NSD2: variants seen among roughly 807,000 people sequenced by gnomAD.
NSD2 encodes histone-lysine N-methyltransferase NSD2.
NSD2 carries 12 observed loss-of-function variants against 139.0 expected under a neutral mutation model. The observed-to-expected ratio is 0.09, with a 90% confidence interval of 0.06 to 0.14. The LOEUF (loss-of-function observed/expected upper bound fraction) is 0.14. Among genes scored for constraint, NSD2 ranks in the 10% least tolerant of loss-of-function variants. The pLI is 1.00. For synonymous variants in NSD2, 669 were observed against 648.7 expected (o/e 1.03, Z -0.48); for missense variants, 1,155 against 1,745.0 (o/e 0.66, Z 6.02).
At position 1,948,446 on chromosome 4, in the gene NSD2, C is replaced by T; in HGVS notation, c.1882-2626C>T. On this transcript the variant is annotated intron_variant, in intron 9 of 21. Transcript: ENST00000508803. The surrounding 1 kb of genome is among the most constrained non-coding windows in gnomAD (Gnocchi z 4.5). ...GGTGGAGCCTGCGGCTGGAGTAAGG[C>T]TTGCTGTGGGACGCCCTCGTACTTT... The T allele has an allele frequency of 9.4e-7, 1 of 1,066,148 alleles. No individual in the cohort carries two copies. The highest frequency in any genetic ancestry group is 1.6e-5 in the African/African-American group (1 of 61,124). 66.0% of individuals were successfully genotyped at this position (1,066,148 alleles called of 1,614,324 possible). A position where few individuals can be genotyped will look rare whatever the true frequency, so the allele number is the denominator to read the frequency against.
chr4:1,966,028 C>G (rs1331002269), intron 18 of NSD2, among the ~76,000 whole-genome samples: 2 of 151,076 alleles, frequency 1.3e-5, no homozygotes, highest in African/African-American at 4.9e-5. Flanking sequence ...ATTTTGAAGG[C>G]CTACAGGCAG....
chr4:1,922,210 T>C (rs1352998663), intron 5 of NSD2, among the ~76,000 whole-genome samples: 1 of 152,176 alleles, frequency 6.6e-6, no homozygotes, highest in Admixed American at 6.5e-5. Flanking sequence ...CAGAAGTCTA[T>C]GTAGAAAACT....
intron 17 of NSD2, 116 bp from the exon 18 acceptor site, chr4:1,960,919 G>A: frequency 1.4e-6 from 1 of 690,262 alleles, no homozygotes; most frequent in South Asian, 2.0e-5. Flanking sequence ...CCTCCACGGA[G>A]GTATGCTGAT....
At chr4:1,947,868 G>A in intron 9 of NSD2, 1 of 1,053,792 alleles carries the variant, frequency 9.5e-7, no homozygotes, top group Non-Finnish European at 1.1e-6. Flanking sequence ...AAAACTCAAT[G>A]TGTATGACGC....
rs568326800 is a variant in NSD2 at position 1,907,875 on chromosome 4, G to A, written c.760+3497G>A. Among the ~76,000 whole-genome samples the A allele has an allele frequency of 8.5e-5, 13 of 152,132 alleles. No individual in the cohort carries two copies. In the South Asian group the frequency reaches 2.7e-3, roughly 32 times the overall value. On this transcript the variant is annotated intron_variant, in intron 3 of 21. Transcript: ENST00000508803. ...ATCCACCCACCTTGGCCTCCCAATG[G>A]GATTACAGGCATGAGTCACTGTGCC...
chr4:1,958,516 G>A lies in NSD2; in HGVS notation c.2985+480G>A, dbSNP rs2108967800. Among the ~76,000 whole-genome samples the A allele has an allele frequency of 6.6e-6, 1 of 152,384 alleles. No homozygotes were observed. Among genetic ancestry groups the A allele is most frequent in the South Asian group, 2.1e-4 (1 of 4,834 alleles). The stretch of plus-strand genomic sequence containing the variant: ...CCCCAGCAGGAGGAAGTGCAGCCAG[G>A]GCAGGGCTCTGTGAGAGCTCCAGGC... On this transcript the variant is annotated intron_variant, in intron 16 of 21. Transcript: ENST00000508803. The surrounding 1 kb of genome is among the most constrained non-coding windows in gnomAD (Gnocchi z 4.6).
chr4:1,901,294 A>G (rs769998259), intron 2 of NSD2, 43 bp downstream of exon 2: 1 of 1,509,796 alleles, frequency 6.6e-7, no homozygotes, highest in Non-Finnish European at 8.8e-7. Context: ...GACCTTGAGC[A>G]GTGAGCATGG....
rs146252630 is a variant in NSD2 at position 1,883,191 on chromosome 4, T to C, written c.-30+11649T>C. On this transcript the variant is annotated intron_variant, in intron 1 of 21. Transcript: ENST00000508803. ...CATTTACTGTCCAGATAGCATTCTT[T>C]CTGTGTGCATTTACATTACCTTCCA... Among the ~76,000 whole-genome samples the C allele has an allele frequency of 6.6e-4, 101 of 152,316 alleles. No homozygotes were observed. The Middle Eastern group carries it at 0.01, about 15-fold the overall frequency.
chr4:1,889,970 T>C (rs1001658659), intron 1 of NSD2, among the ~76,000 whole-genome samples: 1 of 152,224 alleles, frequency 6.6e-6, no homozygotes, highest in African/African-American at 2.4e-5. Flanking sequence ...AACTCTGCAC[T>C]GTTAAGCAGT....
At chr4:1,922,878 A>T (rs926215070) in intron 5 of NSD2, among the ~76,000 whole-genome samples, 1 of 152,176 alleles carries the variant, frequency 6.6e-6, no homozygotes, top group African/African-American at 2.4e-5. Context: ...GTGAGCTGGG[A>T]TTGTGCCATT....
At chr4:1,961,914 C>T (rs1203031965) in intron 18 of NSD2, among the ~76,000 whole-genome samples, 1 of 152,238 alleles carries the variant, frequency 6.6e-6, no homozygotes, top group East Asian at 1.9e-4. Flanking sequence ...ATACATGTTT[C>T]TGCCTTTTGT....
At chr4:1,960,800 T>C (rs186425934) in intron 17 of NSD2, among the ~76,000 whole-genome samples, 1 of 152,326 alleles carries the variant, frequency 6.6e-6, no homozygotes, top group Non-Finnish European at 1.5e-5. Context: ...GAAGCAAGGG[T>C]TGGCATATTG....
intron 1 of NSD2, among the ~76,000 whole-genome samples, chr4:1,876,032 G>C (rs1314520884): frequency 6.6e-6 from 1 of 151,388 alleles, no homozygotes; most frequent in African/African-American, 2.4e-5. Flanking sequence ...TGGCTAACAT[G>C]GTGAAACCCT....
In NSD2 at chr4:1,946,847, T is replaced by A; in HGVS notation, c.1882-4225T>A. 3.8e-6 allele frequency: 4 copies of A among 1,057,924 alleles called. No homozygotes were observed. In the South Asian group the frequency reaches 1.8e-4, roughly 48 times the overall value. 65.5% of individuals were successfully genotyped at this position (1,057,924 alleles called of 1,614,324 possible). A position where few individuals can be genotyped will look rare whatever the true frequency, so the allele number is the denominator to read the frequency against. On this transcript the variant is annotated intron_variant, in intron 9 of 21. Coordinates refer to ENST00000508803, the MANE Select transcript of NSD2 (RefSeq NM_001042424.3). ...TGTCTCTCCAACAGCCCGACAGGCC[T>A]CATCTTTTTGGTTGGATACCTTTGA...
In NSD2 at chr4:1,900,653, G is replaced by A; in HGVS notation, c.-2G>A. 1 of 1,568,818 alleles carries A rather than the reference G, an allele frequency of 6.4e-7. No homozygotes were observed. Among genetic ancestry groups the A allele is most frequent in the Non-Finnish European group, 8.6e-7 (1 of 1,156,512 alleles). On this transcript the variant is annotated 5_prime_UTR_variant, in exon 2 of 22. Coordinates refer to ENST00000508803, the MANE Select transcript of NSD2 (RefSeq NM_001042424.3). The stretch of plus-strand genomic sequence containing the variant: ...TTCTAAGAACGGAAGCATCTGGGCT[G>A]GATGGAATTTAGCATCAAGCAGAGT...
At chr4:1,913,019 TTATATA>T (rs1326031807) in intron 3 of NSD2, among the ~76,000 whole-genome samples, 1 of 152,222 alleles carries the variant, frequency 6.6e-6, no homozygotes, top group Non-Finnish European at 1.5e-5. Flanking sequence ...ATAGACATGA[TTATATA>T]TGAATATTAT....
rs1727802349 is a variant in NSD2 at position 1,981,886 on chromosome 4, G to T, written c.*2977G>T. 5.0e-6 allele frequency: 2 copies of T among 398,526 alleles called. No homozygotes were observed. Among genetic ancestry groups the T allele is most frequent in the South Asian group, 1.3e-4 (1 of 7,862 alleles). 24.7% of individuals were successfully genotyped at this position (398,526 alleles called of 1,614,324 possible). A position where few individuals can be genotyped will look rare whatever the true frequency, so the allele number is the denominator to read the frequency against. On this transcript the variant is annotated 3_prime_UTR_variant, in exon 22 of 22. Coordinates refer to ENST00000508803, the MANE Select transcript of NSD2 (RefSeq NM_001042424.3). Reference sequence around the variant, plus strand: ...TAGAGTAAAATGCTGTGTCCACGGGGTGTCACAGCCTCACCATACCCTGTT... The same window carrying T: ...TAGAGTAAAATGCTGTGTCCACGGGTTGTCACAGCCTCACCATACCCTGTT...
chr4:1,951,441 AATACACACAC>A (rs1724217109), intron 10 of NSD2, among the ~76,000 whole-genome samples: 1 of 86,894 alleles, frequency 1.2e-5, no homozygotes, highest in East Asian at 3.9e-4. Flanking sequence ...CACATCATGT[AATACACACAC>A]ACACACACAC....
chr4:1,965,766 G>T (rs1227628409), intron 18 of NSD2, among the ~76,000 whole-genome samples: 1 of 152,180 alleles, frequency 6.6e-6, no homozygotes, highest in African/African-American at 2.4e-5. Context: ...CTTTGCACAT[G>T]GCGGCAGGAG....
Sources: gnomAD v4.1 joint callset for allele counts (sites outside exome capture counted in the v4.1 genomes callset) on GRCh38, gnomAD v4.1.1 for gene constraint, Gnocchi (gnomAD v3.1) non-coding constraint, MANE v1.5 for transcripts, NCBI Gene and HGNC (gene_info 2026-07-23, HGNC 2026-07-21) for gene names.